The following LMTK2 variants were observed in gnomAD, a reference collection of about 807,000 sequenced individuals.
LMTK2 encodes the protein serine/threonine-protein kinase LMTK2.
LMTK2 carries 37 observed loss-of-function variants against 127.5 expected under a neutral mutation model. The observed-to-expected ratio is 0.29, with a 90% CI of 0.22 to 0.38. The LOEUF is 0.38. LMTK2 is among the 10% of genes least tolerant of loss of function. LMTK2 has a pLI of 1.00. For missense variants in LMTK2, 1,694 were observed against 1,920.3 expected, an observed-to-expected ratio of 0.88 and a Z score of 2.20; for synonymous variants, 819 against 810.1, an observed-to-expected ratio of 1.01 and a Z score of -0.19.
chr7:98,205,289 A>G (rs1797772652), intron 13 of LMTK2, among the ~76,000 whole-genome samples, 175 bp from the exon 14 acceptor site: 1 of 152,202 alleles, frequency 6.6e-6, no homozygotes, highest in Non-Finnish European at 1.5e-5. Context: ...CAGATGTGGG[A>G]GAGTCAGGCA....
chr7:98,181,762 G>A (rs1041695589), intron 7 of LMTK2, among the ~76,000 whole-genome samples: 22 of 152,046 alleles, frequency 1.4e-4, no homozygotes, highest in African/African-American at 4.6e-4. Context: ...GGGTTCAAGC[G>A]ATTCTCCTGC....
chr7:98,137,552 C>A, intron 2 of LMTK2, 110 bp downstream of exon 2: 2 of 933,994 alleles, frequency 2.1e-6, no homozygotes, highest in Non-Finnish European at 3.1e-6. Flanking sequence ...TTTTTTCTTC[C>A]CCTAATGGCC....
chr7:98,109,425 A>G (rs1796166045), intron 1 of LMTK2, among the ~76,000 whole-genome samples: 1 of 152,020 alleles, frequency 6.6e-6, no homozygotes, highest in Non-Finnish European at 1.5e-5. Flanking sequence ...AATAATGGGT[A>G]CCTAGGGTTA....
At chr7:98,161,655 T>G (rs1797018159) in intron 6 of LMTK2, among the ~76,000 whole-genome samples, 1 of 152,214 alleles carries the variant, frequency 6.6e-6, no homozygotes, top group African/African-American at 2.4e-5. Context: ...ATCAGAGTTA[T>G]AAAATTTATG....
chr7:98,162,631 C>T (rs997673043), intron 6 of LMTK2, among the ~76,000 whole-genome samples: 1 of 152,176 alleles, frequency 6.6e-6, no homozygotes, highest in African/African-American at 2.4e-5. Flanking sequence ...CTTCCACTGG[C>T]AGTGCAGAGC....
intron 11 of LMTK2, among the ~76,000 whole-genome samples, chr7:98,196,567 C>T (rs984106593): frequency 2.6e-5 from 4 of 152,218 alleles, no homozygotes; most frequent in Non-Finnish European, 4.4e-5. Context: ...CACGCTGTCC[C>T]CACTTCCTGA....
chr7:98,128,059 G>A (rs558501165), intron 1 of LMTK2, among the ~76,000 whole-genome samples: 5 of 152,266 alleles, frequency 3.3e-5, no homozygotes, highest in East Asian at 3.9e-4. Context: ...CAGGAGAATC[G>A]CTTGAACCCG....
chr7:98,159,497 T>A, intron 6 of LMTK2, 72 bp downstream of exon 6: 2 of 986,610 alleles, frequency 2.0e-6, no homozygotes, highest in East Asian at 4.8e-5. Flanking sequence ...CAGATGGACA[T>A]GCTGGATGAG....
chr7:98,142,990 C>T (rs1366167308), intron 3 of LMTK2, among the ~76,000 whole-genome samples: 1 of 152,174 alleles, frequency 6.6e-6, no homozygotes, highest in Non-Finnish European at 1.5e-5. Flanking sequence ...GAGGGACATT[C>T]TGGTTGTCTT....
At chr7:98,174,027 G>A (rs939092803) in intron 7 of LMTK2, among the ~76,000 whole-genome samples, 2 of 150,156 alleles carry the variant, frequency 1.3e-5, no homozygotes, top group African/African-American at 4.9e-5. Flanking sequence ...CTGCACTCTA[G>A]TCTGGGTGAC....
chr7:98,135,400 C>T (rs933417135), intron 1 of LMTK2, among the ~76,000 whole-genome samples: 32 of 152,248 alleles, frequency 2.1e-4, no homozygotes, highest in African/African-American at 6.3e-4. Flanking sequence ...GCAGCCTCCT[C>T]CTCCTGGGCT....
At chr7:98,126,023 G>A (rs973295265) in intron 1 of LMTK2, among the ~76,000 whole-genome samples, 5 of 152,190 alleles carry the variant, frequency 3.3e-5, no homozygotes, top group Admixed American at 1.3e-4. Flanking sequence ...AGTTATATTT[G>A]CAAGAACTTA....
chr7:98,175,701 T>G (rs1797266301), intron 7 of LMTK2, among the ~76,000 whole-genome samples: 1 of 152,222 alleles, frequency 6.6e-6, no homozygotes, highest in South Asian at 2.1e-4. Flanking sequence ...CTGACCTTTG[T>G]ATCTCCCATG....
At chr7:98,111,666 C>T (rs1470243748) in intron 1 of LMTK2, among the ~76,000 whole-genome samples, 1 of 152,156 alleles carries the variant, frequency 6.6e-6, no homozygotes, top group Non-Finnish European at 1.5e-5. Flanking sequence ...TAGATTGCTT[C>T]ATTGTTTCAG....
At position 98,205,651 on chromosome 7, in the gene LMTK2, A is replaced by G. The variant is rs1175241975; in HGVS notation, c.*159A>G. On this transcript the variant is annotated 3_prime_UTR_variant, in exon 14 of 14. Transcript: ENST00000297293. ...GGGAGACGGCTCTTAGCTGCGTTCA[A>G]GGCGGGGCCCTCGGGAGCCCAGGTG... 1 of 794,428 alleles carries G rather than the reference A, an allele frequency of 1.3e-6. No homozygotes were observed. Among genetic ancestry groups the G allele is most frequent in the Admixed American group, 2.4e-5 (1 of 42,320 alleles). 49.2% of individuals were successfully genotyped at this position (794,428 alleles called of 1,614,324 possible).
intron 1 of LMTK2, among the ~76,000 whole-genome samples, chr7:98,116,056 T>G (rs528316920): frequency 6.6e-6 from 1 of 152,182 alleles, no homozygotes; most frequent in East Asian, 1.9e-4. Context: ...GGCCAATTTT[T>G]ACTTTTTGTA....
chr7:98,190,889 C>T lies in LMTK2; in HGVS notation c.1148+12C>T. 1.2e-6 allele frequency: 2 copies of T among 1,613,186 alleles called. No individual in the cohort carries two copies. The highest frequency in any genetic ancestry group is 1.7e-6 in the Non-Finnish European group (2 of 1,179,296). ...TACTCTGATAGATGGTTGGTAGCCT[C>T]ACATTCCGCCTGTTCTGTTTCGTCT... On this transcript the variant is annotated intron_variant, in intron 10 of 13. Coordinates refer to ENST00000297293, the MANE Select transcript of LMTK2 (RefSeq NM_014916.4).
chr7:98,175,901 T>C (rs1266687135), intron 7 of LMTK2, among the ~76,000 whole-genome samples: 1 of 152,236 alleles, frequency 6.6e-6, no homozygotes, highest in African/African-American at 2.4e-5. Flanking sequence ...TGACCTTTAA[T>C]GAACAGGTGG....
intron 3 of LMTK2, among the ~76,000 whole-genome samples, chr7:98,146,609 A>G (rs1437064774): frequency 6.6e-6 from 1 of 152,170 alleles, no homozygotes; most frequent in Non-Finnish European, 1.5e-5. Flanking sequence ...TTGAATTGAT[A>G]CCAGCTTAGC....
Sources: allele counts gnomAD v4.1 joint callset (sites outside exome capture counted in the v4.1 genomes callset), GRCh38; gene constraint gnomAD v4.1.1; transcripts MANE v1.5; gene names NCBI Gene and HGNC (gene_info 2026-07-23, HGNC 2026-07-21).